PDSS2: variants seen among roughly 807,000 people sequenced by gnomAD.
PDSS2 encodes decaprenyl diphosphate synthase subunit 2.
A neutral mutation model predicts 44.5 loss-of-function variants in PDSS2; 31 were observed. The ratio of observed to expected loss-of-function variants is 0.70; its 90% confidence interval spans 0.52 to 0.94. The LOEUF (loss-of-function observed/expected upper bound fraction) is 0.94. Among genes scored for constraint, PDSS2 ranks in the 40% least tolerant of loss-of-function variants. The pLI is 0.00. For missense variants in PDSS2, 452 were observed against 482.2 expected (o/e 0.94, Z 0.59); for synonymous variants, 157 against 180.3 (o/e 0.87, Z 1.03).
chr6:107,282,710 A>G (rs898124761), intron 2 of PDSS2, among the ~76,000 whole-genome samples: 33 of 151,842 alleles, frequency 2.2e-4, no homozygotes, highest in South Asian at 1.2e-3. Context: ...CTAAAAAAAA[A>G]TACAAAACAT....
At chr6:107,376,530 A>G (rs1168087595) in intron 1 of PDSS2, among the ~76,000 whole-genome samples, 1 of 152,066 alleles carries the variant, frequency 6.6e-6, no homozygotes, top group Admixed American at 6.6e-5. Context: ...AGCAATTGTG[A>G]ATGGGGGTTC....
chr6:107,451,512 A>G (rs1399959404), intron 1 of PDSS2, among the ~76,000 whole-genome samples: 1 of 152,256 alleles, frequency 6.6e-6, no homozygotes, highest in East Asian at 1.9e-4. Context: ...CTCAGGGCAT[A>G]AACCCCTCGT....
chr6:107,243,333 G>C (rs1224434976), intron 4 of PDSS2, among the ~76,000 whole-genome samples: 1 of 152,176 alleles, frequency 6.6e-6, no homozygotes, highest in Non-Finnish European at 1.5e-5. Context: ...GAAAGTATAA[G>C]CAAACTGTAA....
At chr6:107,325,162 G>A (rs543627357) in intron 2 of PDSS2, among the ~76,000 whole-genome samples, 9 of 152,150 alleles carry the variant, frequency 5.9e-5, no homozygotes, top group South Asian at 2.1e-4. Context: ...CACACTAAGC[G>A]TAACCAATTT....
At chr6:107,218,780 G>A (rs1773500378) in intron 4 of PDSS2, among the ~76,000 whole-genome samples, 1 of 152,146 alleles carries the variant, frequency 6.6e-6, no homozygotes, top group African/African-American at 2.4e-5. Context: ...CCTTTAGGCT[G>A]GATGCGGTGG....
At chr6:107,335,732 T>C (rs1055133162) in intron 1 of PDSS2, among the ~76,000 whole-genome samples, 10 of 152,108 alleles carry the variant, frequency 6.6e-5, no homozygotes, top group African/African-American at 2.4e-4. Flanking sequence ...TAGAAAACTA[T>C]GGGCAATATA....
At chr6:107,172,679 G>A (rs1443467281) in intron 7 of PDSS2, among the ~76,000 whole-genome samples, 1 of 152,132 alleles carries the variant, frequency 6.6e-6, no homozygotes, top group African/African-American at 2.4e-5. Flanking sequence ...CAGATGGTTT[G>A]TGGGCTCTAG....
intron 4 of PDSS2, among the ~76,000 whole-genome samples, chr6:107,238,105 C>T (rs1446137833): frequency 1.3e-5 from 2 of 152,080 alleles, no homozygotes; most frequent in Middle Eastern, 3.4e-3. Context: ...ACTGGATTCT[C>T]TTTTAAAACC....
intron 1 of PDSS2, among the ~76,000 whole-genome samples, chr6:107,441,335 T>C (rs1358983584): frequency 6.6e-6 from 1 of 152,210 alleles, no homozygotes; most frequent in African/African-American, 2.4e-5. Flanking sequence ...ATGTAATCTC[T>C]TATACCTGAA....
chr6:107,222,685 A>G (rs947563905), intron 4 of PDSS2, among the ~76,000 whole-genome samples: 1 of 151,800 alleles, frequency 6.6e-6, no homozygotes, highest in Non-Finnish European at 1.5e-5. Flanking sequence ...AGATTTCAAG[A>G]ATGTATTTTG....
intron 2 of PDSS2, among the ~76,000 whole-genome samples, chr6:107,329,932 C>T (rs1777660846): frequency 6.8e-6 from 1 of 148,082 alleles, no homozygotes; most frequent in South Asian, 2.1e-4. Context: ...AACTGGGAGG[C>T]AGTGGCTTCA....
At chr6:107,321,856 A>G (rs1777391246) in intron 2 of PDSS2, among the ~76,000 whole-genome samples, 1 of 152,098 alleles carries the variant, frequency 6.6e-6, no homozygotes. Context: ...CACTTTTGAA[A>G]TCTCCACTTG....
At chr6:107,198,170 T>C (rs1347528603) in intron 6 of PDSS2, among the ~76,000 whole-genome samples, 1 of 152,198 alleles carries the variant, frequency 6.6e-6, no homozygotes, top group Non-Finnish European at 1.5e-5. Context: ...ACAACTTATT[T>C]GCAAACCTCA....
rs143916013 is a variant in PDSS2 at position 107,446,559 on chromosome 6, T to C, written c.296+12431A>G. Reference sequence around the variant, plus strand: ...GCAACTGTATTAGTCTGCACTCACATTGCTATAAGGAAATACCCAAGACTG... The same window carrying C: ...GCAACTGTATTAGTCTGCACTCACACTGCTATAAGGAAATACCCAAGACTG... On this transcript the variant is annotated intron_variant, in intron 1 of 7. Transcript: ENST00000369037. 3.4e-3 allele frequency among the ~76,000 whole-genome samples: 516 copies of C among 152,280 alleles called. 3 individuals carry two copies. The highest frequency in any genetic ancestry group is 0.012 in the African/African-American group (497 of 41,564).
intron 2 of PDSS2, among the ~76,000 whole-genome samples, chr6:107,293,790 A>G (rs1286125602): frequency 1.3e-5 from 2 of 152,186 alleles, no homozygotes; most frequent in Non-Finnish European, 2.9e-5. Flanking sequence ...GTGGGCATAC[A>G]TACTTTGATT....
chr6:107,372,556 A>T (rs1779159066), intron 1 of PDSS2, among the ~76,000 whole-genome samples: 1 of 152,098 alleles, frequency 6.6e-6, no homozygotes, highest in South Asian at 2.1e-4. Flanking sequence ...GGTTCATGCC[A>T]TTCTCCTGCC....
chr6:107,223,563 CTAGTTGGGCATGATGG>C lies in PDSS2; in HGVS notation c.703-11297_703-11282del, dbSNP rs1350059548. Among the ~76,000 whole-genome samples the C allele has an allele frequency of 9.3e-5, 14 of 150,610 alleles. No homozygotes were observed. The East Asian group carries it at 2.3e-3, about 25-fold the overall frequency. On this transcript the variant is annotated intron_variant, in intron 4 of 7. Coordinates refer to ENST00000369037, the MANE Select transcript of PDSS2 (RefSeq NM_020381.4). ...AAACAAACAAACAAACAAACAAAAA[CTAGTTGGGCATGATGG>C]TACATGCTTGTGGTTCCAGCCACAC...
chr6:107,225,237 T>C (rs1562389765), intron 4 of PDSS2, among the ~76,000 whole-genome samples: 1 of 136,440 alleles, frequency 7.3e-6, no homozygotes, highest in Non-Finnish European at 1.5e-5. Flanking sequence ...AGTGGCATGA[T>C]CTTGGGCTCA....
chr6:107,229,247 C>T lies in PDSS2; in HGVS notation c.702+16301G>A, dbSNP rs914860422. ...TGTCGCCCAGGCTGGAGTGCAATGG[C>T]GTGATCTCGGCTCACTGCAACCTCC... On this transcript the variant is annotated intron_variant, in intron 4 of 7. Transcript: ENST00000369037. 3.3e-5 allele frequency among the ~76,000 whole-genome samples: 5 copies of T among 152,226 alleles called. No individual in the cohort carries two copies. In the East Asian group the frequency reaches 5.8e-4, roughly 18 times the overall value.
Sources: allele counts gnomAD v4.1 joint callset (sites outside exome capture counted in the v4.1 genomes callset), GRCh38; gene constraint gnomAD v4.1.1; transcripts MANE v1.5; gene names NCBI Gene and HGNC (gene_info 2026-07-23, HGNC 2026-07-21).